The following SATL1 variants were observed in gnomAD, a reference collection of about 807,000 sequenced individuals.
The protein encoded by SATL1 is spermidine/spermine N(1)-acetyltransferase-like protein 1.
Under a neutral mutation model 51.8 loss-of-function variants are expected in SATL1, and 47 were observed. That is an observed-to-expected ratio of 0.91 (90% confidence interval 0.72 to 1.16). SATL1 has a LOEUF of 1.16. SATL1 is among the 50% of genes most tolerant of loss of function. The pLI, the probability that SATL1 is intolerant of heterozygous loss-of-function variation, is 0.00. For synonymous variants in SATL1, 176 were observed against 182.4 expected, an observed-to-expected ratio of 0.97 and a Z score of 0.28; for missense variants, 520 against 526.4, an observed-to-expected ratio of 0.99 and a Z score of 0.12.
At chrX:85,206,990 C>G (rs1368482519) in intron 2 of SATL1, among the ~76,000 whole-genome samples, 1 of 111,175 alleles carries the variant, frequency 9.0e-6, no homozygotes, top group African/African-American at 3.3e-5. Context: ...TAGTTCTCTT[C>G]TGATTGTTTC....
rs779116515 is a variant in SATL1 at position 85,145,035 on chromosome X, C to CA, written c.-312-35756dup. ...TGGGTGACAGAGCTAGGCCCTGTCTCAAAAAAAAATAAAATAAATAAAATA... is the reference window on the plus strand; with the variant it reads ...TGGGTGACAGAGCTAGGCCCTGTCTCAAAAAAAAAATAAAATAAATAAAATA... On this transcript the variant is annotated intron_variant, in intron 2 of 7. Coordinates refer to ENST00000644105, the MANE Select transcript of SATL1 (RefSeq NM_001367857.2). Among the ~76,000 whole-genome samples, 232 of 104,241 alleles carry CA rather than the reference C, an allele frequency of 2.2e-3. 2 individuals are homozygous for CA. The South Asian group carries it at 0.042, about 19-fold the overall frequency. 90.5% of individuals were successfully genotyped at this position (104,241 alleles called of 115,157 possible). A position where few individuals can be genotyped will look rare whatever the true frequency, so the allele number is the denominator to read the frequency against.
intron 2 of SATL1, among the ~76,000 whole-genome samples, chrX:85,175,710 TA>T (rs933782608): frequency 3.6e-5 from 4 of 110,379 alleles, no homozygotes; most frequent in African/African-American, 9.9e-5. Context: ...CCCCTTGGCT[TA>T]AAAAAAATGA....
At position 85,134,901 on chromosome X, in the gene SATL1, A is replaced by C. The variant is rs375648115; in HGVS notation, c.-312-25621T>G. 1.3e-4 allele frequency among the ~76,000 whole-genome samples: 14 copies of C among 111,739 alleles called. No homozygotes were observed. The East Asian group carries it at 2.6e-3, about 20-fold the overall frequency. ...GCTAAAATGTTTGGATTTATCCTGAAGGCAACTGAGAATCATCAAAATAAT... is the reference window on the plus strand; with the variant it reads ...GCTAAAATGTTTGGATTTATCCTGACGGCAACTGAGAATCATCAAAATAAT... On this transcript the variant is annotated intron_variant, in intron 2 of 7. Coordinates refer to ENST00000644105, the MANE Select transcript of SATL1 (RefSeq NM_001367857.2).
intron 4 of SATL1, among the ~76,000 whole-genome samples, chrX:85,096,426 C>A (rs1415064501): frequency 9.0e-6 from 1 of 111,020 alleles, no homozygotes; most frequent in Non-Finnish European, 1.9e-5. Flanking sequence ...ACATCATCAT[C>A]ATCAGGTGGA....
intron 2 of SATL1, among the ~76,000 whole-genome samples, chrX:85,112,351 C>CA (rs1925279464): frequency 9.1e-6 from 1 of 110,034 alleles, no homozygotes; most frequent in African/African-American, 3.3e-5. Flanking sequence ...GACTCTGTCT[C>CA]AAAAAAACAG....
At chrX:85,169,997 C>T (rs1344506530) in intron 2 of SATL1, among the ~76,000 whole-genome samples, 1 of 111,127 alleles carries the variant, frequency 9.0e-6, no homozygotes, top group Non-Finnish European at 1.9e-5. Context: ...GGTCATTATC[C>T]TTAGCAAACT....
intron 2 of SATL1, among the ~76,000 whole-genome samples, chrX:85,215,102 G>T (rs1928013443): frequency 8.9e-6 from 1 of 111,801 alleles, no homozygotes; most frequent in South Asian, 3.7e-4. Context: ...AGCACCTGTG[G>T]ATATAACACC....
At chrX:85,099,792 G>C (rs987512105) in intron 4 of SATL1, among the ~76,000 whole-genome samples, 1 of 112,362 alleles carries the variant, frequency 8.9e-6, no homozygotes, top group African/African-American at 3.2e-5. Context: ...ACTCAATGGT[G>C]AATGACTGAA....
intron 4 of SATL1, among the ~76,000 whole-genome samples, chrX:85,099,297 G>T (rs1433808736): frequency 2.7e-5 from 3 of 111,172 alleles, no homozygotes; most frequent in Non-Finnish European, 5.7e-5. Context: ...GAACCAAATG[G>T]CCTCATCACT....
At chrX:85,156,469 A>T (rs1389650733) in intron 2 of SATL1, 3 of 110,890 alleles carry the variant, frequency 2.7e-5, no homozygotes, top group African/African-American at 9.9e-5. Flanking sequence ...GGCACCATAA[A>T]CAGAAATGCC....
intron 2 of SATL1, among the ~76,000 whole-genome samples, chrX:85,130,339 A>C (rs968041144): frequency 6.3e-5 from 7 of 111,431 alleles, no homozygotes; most frequent in African/African-American, 2.0e-4. Context: ...TTATTGGTCT[A>C]TTCAGAGATT....
At chrX:85,210,917 T>A (rs1202126981) in intron 2 of SATL1, 2 of 111,568 alleles carry the variant, frequency 1.8e-5, no homozygotes, top group Non-Finnish European at 3.8e-5. Context: ...ACTGGGTCTG[T>A]CTTTTTTTTC....
At position 85,092,396 on chromosome X, in the gene SATL1, C is replaced by G; in HGVS notation, c.2083G>C (p.Glu695Gln). 1.7e-6 allele frequency: 2 copies of G among 1,164,807 alleles called. No individual in the cohort carries two copies. Among genetic ancestry groups the G allele is most frequent in the Non-Finnish European group, 2.3e-6 (2 of 872,808 alleles). The change falls in exon 8 of 8, where the codon GAA becomes CAA. Residue 695 changes from glutamate to glutamine, a missense_variant. Coordinates refer to ENST00000644105, the MANE Select transcript of SATL1 (RefSeq NM_001367857.2). ...REELLDMAWE[E>Q] is the part of the protein sequence containing the mutation. ...GAGTTGTTACAAAGCCTCTTTCATT[C>G]TTCCCATGCCATGTCCAGGAGTTCT...
intron 1 of SATL1, among the ~76,000 whole-genome samples, chrX:85,233,522 C>A (rs1156780572): frequency 9.0e-6 from 1 of 111,433 alleles, no homozygotes; most frequent in Non-Finnish European, 1.9e-5. Context: ...TTGAGGAAAC[C>A]CAAAGAAATT....
At chrX:85,097,136 A>G (rs1159819970) in intron 4 of SATL1, among the ~76,000 whole-genome samples, 2 of 110,843 alleles carry the variant, frequency 1.8e-5, no homozygotes, top group Non-Finnish European at 3.8e-5. Context: ...CAAAAACGAT[A>G]TTCATTGGAG....
chrX:85,203,684 C>T (rs997699953), intron 2 of SATL1, among the ~76,000 whole-genome samples: 1 of 112,214 alleles, frequency 8.9e-6, no homozygotes, highest in Admixed American at 9.4e-5. Flanking sequence ...GCTGGAGGAT[C>T]CCTTCTGCCC....
rs754514795 is a variant in SATL1, at chrX:85,125,653, A to G, written c.-312-16373T>C. 5.5e-5 allele frequency among the ~76,000 whole-genome samples: 6 copies of G among 109,321 alleles called. No homozygotes were observed. In the East Asian group the frequency reaches 1.4e-3, roughly 26 times the overall value. 94.9% of individuals were successfully genotyped at this position (109,321 alleles called of 115,157 possible). ...ACACATGAGAACATATCTCAAGTCA[A>G]TCTATGATGAGCCCATAGGAATTTG... On this transcript the variant is annotated intron_variant, in intron 2 of 7. Transcript: ENST00000644105.
chrX:85,238,040 A>G (rs1928515793), intron 1 of SATL1, among the ~76,000 whole-genome samples: 1 of 111,597 alleles, frequency 9.0e-6, no homozygotes, highest in South Asian at 3.7e-4. Context: ...AATGGATTTT[A>G]TCCAAAAGAC....
chrX:85,121,664 T>TG lies in SATL1; in HGVS notation c.-312-12385dup, dbSNP rs1925511971. Among the ~76,000 whole-genome samples the TG allele has an allele frequency of 2.8e-5, 3 of 107,186 alleles. No individual in the cohort carries two copies. In the Admixed American group the frequency reaches 3.1e-4, roughly 11 times the overall value. The allele number at this position is 107,186 out of a possible 115,157, so 93.1% of individuals were successfully genotyped here. ...TTACCATCTTGAACTATCCTCTTCATGGGGGGTGTCTTGTCGACCACTCTC... is the reference window on the plus strand; with the variant it reads ...TTACCATCTTGAACTATCCTCTTCATGGGGGGGTGTCTTGTCGACCACTCTC... On this transcript the variant is annotated intron_variant, in intron 2 of 7. Coordinates refer to ENST00000644105, the MANE Select transcript of SATL1 (RefSeq NM_001367857.2).
Sources: gnomAD v4.1 joint callset for allele counts (sites outside exome capture counted in the v4.1 genomes callset) on GRCh38, gnomAD v4.1.1 for gene constraint, MANE v1.5 for transcripts, NCBI Gene and HGNC (gene_info 2026-07-23, HGNC 2026-07-21) for gene names.